Variants in PNO1 observed in about 807,000 individuals in gnomAD.
PNO1 encodes RNA-binding protein PNO1.
In PNO1, 16 loss-of-function variants were observed where a neutral mutation model predicts 28.4. The ratio of observed to expected loss-of-function variants is 0.56; its 90% CI spans 0.38 to 0.85. The LOEUF is 0.85. Among genes scored for constraint, PNO1 ranks in the 40% least tolerant of loss-of-function variants. The probability of loss-of-function intolerance (pLI) is 0.00; values close to 1 mark genes in which losing one functional copy is unlikely to be tolerated. For synonymous variants in PNO1, 115 were observed against 110.8 expected (o/e 1.04, Z -0.24); for missense variants, 304 against 312.2 (o/e 0.97, Z 0.20).
Position 68,174,745 on chromosome 2 carries a change from T to C in PNO1, c.702T>C (p.Pro234=). The change falls in exon 7 of 7, where the codon CCT becomes CCC. Residue 234 remains proline (P), a synonymous_variant. Coordinates refer to ENST00000263657, the MANE Select transcript of PNO1 (RefSeq NM_020143.4). ...AICNLILGNP[P]SKVYGNIRAV... ...TTTTCCCCTTTGCAGGAAATCCTCC[T>C]TCCAAGGTTTATGGCAATATTCGAG... 6.2e-7 allele frequency: 1 copy of C among 1,607,514 alleles called. No individual in the cohort carries two copies. The highest frequency in any genetic ancestry group is 8.5e-7 in the Non-Finnish European group (1 of 1,174,526).
rs370552225 is a variant in PNO1, at chr2:68,171,118, C to T, written c.621-2229C>T. 4.1e-4 allele frequency among the ~76,000 whole-genome samples: 62 copies of T among 152,344 alleles called. 1 individual carries two copies. The South Asian group carries it at 0.013, about 32-fold the overall frequency. On this transcript the variant is annotated intron_variant, in intron 5 of 6. Transcript: ENST00000263657. ...ACTTATAGCTGAGCCAGGTGAAATA[C>T]TGTGACTGCCTTATCTTTCTTTTGC...
chr2:68,168,921 C>CTTTTTTTTTTTT (rs57701897), intron 5 of PNO1, among the ~76,000 whole-genome samples: 5 of 72,474 alleles, frequency 6.9e-5, no homozygotes, highest in South Asian at 5.9e-4. Flanking sequence ...CAGCTTTTTT[C>CTTTTTTTTTTTT]TTTTTTTTTT....
chr2:68,173,978 A>G (rs1347422128), intron 6 of PNO1, among the ~76,000 whole-genome samples: 1 of 152,240 alleles, frequency 6.6e-6, no homozygotes, highest in Non-Finnish European at 1.5e-5. Context: ...CCTTCTTGAT[A>G]AGGTGCAGAG....
At chr2:68,172,917 A>C (rs1338439270) in intron 5 of PNO1, among the ~76,000 whole-genome samples, 2 of 152,170 alleles carry the variant, frequency 1.3e-5, no homozygotes, top group East Asian at 3.8e-4. Context: ...GATACAATTC[A>C]TATACCATAA....
rs140071467 is a variant in PNO1 at position 68,162,560 on chromosome 2, G to A, written c.517G>A (p.Gly173Arg). The A allele has an allele frequency of 6.7e-5, 108 of 1,612,452 alleles. No homozygotes were observed. In the African/African-American group the frequency reaches 1.3e-3, roughly 19 times the overall value. Residue 173 changes from glycine to arginine, a missense_variant, in exon 5 of 7, where the codon GGA becomes AGA. Physicochemically the swap from Gly to Arg is moderately radical, Grantham distance 125 (BLOSUM62 -2). Coordinates refer to ENST00000263657, the MANE Select transcript of PNO1 (RefSeq NM_020143.4). ...TTCTTGTTTAGTTAAACCCCTAAAG[G>A]GAGACCATCTATCCAGGGCAATAGG... ...FEITDVKPLK[G>R]DHLSRAIGRI...
chr2:68,158,307 G>A, intron 1 of PNO1, 73 bp from the exon 2 acceptor site: 7 of 1,461,164 alleles, frequency 4.8e-6, no homozygotes, highest in Non-Finnish European at 6.5e-6. Context: ...GGCCCTTTGT[G>A]GATCAGATGT....
At chr2:68,172,943 A>C (rs1674168122) in intron 5 of PNO1, among the ~76,000 whole-genome samples, 1 of 152,140 alleles carries the variant, frequency 6.6e-6, no homozygotes, top group Non-Finnish European at 1.5e-5. Flanking sequence ...ACCCTTTTAA[A>C]AAGTGGTTTT....
Position 68,157,989 on chromosome 2 carries a change from G to T in PNO1, c.55G>T (p.Val19Phe). ...CAGGGCAGAGGAGGGCTTTACCCAG[G>T]TCACCCGCAAGGGTGGCCGACGGGC... ...SARAEEGFTQVTRKGGRRAKK... is the reference protein window; with the variant it reads ...SARAEEGFTQFTRKGGRRAKK... Residue 19 changes from valine to phenylalanine, a missense_variant, in exon 1 of 7, where the codon GTC becomes TTC. Coordinates refer to ENST00000263657, the MANE Select transcript of PNO1 (RefSeq NM_020143.4). 1 of 1,614,152 alleles carries T rather than the reference G, an allele frequency of 6.2e-7. No homozygotes were observed.
chr2:68,158,159 T>C lies in PNO1; in HGVS notation c.207+18T>C, dbSNP rs766362353. The C allele has an allele frequency of 1.0e-5, 16 of 1,569,048 alleles. No homozygotes were observed. The highest frequency in any genetic ancestry group is 1.3e-5 in the Non-Finnish European group (15 of 1,157,090). On this transcript the variant is annotated intron_variant, in intron 1 of 6. Coordinates refer to ENST00000263657, the MANE Select transcript of PNO1 (RefSeq NM_020143.4). ...GGCTCCTGGTATGTGGCTGGGACCC[T>C]AGGACAGCAACGAGGCAAGGGCCAG... is the stretch of plus-strand genomic sequence containing the variant.
intron 6 of PNO1, among the ~76,000 whole-genome samples, chr2:68,173,855 A>C (rs1674198511): frequency 6.6e-6 from 1 of 152,188 alleles, no homozygotes; most frequent in African/African-American, 2.4e-5. Context: ...TGCTGGGATT[A>C]CAGGCGTGAG....
At chr2:68,159,123 A>G (rs1673759177) in intron 2 of PNO1, among the ~76,000 whole-genome samples, 1 of 152,074 alleles carries the variant, frequency 6.6e-6, no homozygotes, top group African/African-American at 2.4e-5. Flanking sequence ...TCTCCATTAT[A>G]CTGTTATGAG....
At chr2:68,158,894 CG>C (rs1673752601) in intron 2 of PNO1, among the ~76,000 whole-genome samples, 1 of 152,120 alleles carries the variant, frequency 6.6e-6, no homozygotes, top group Non-Finnish European at 1.5e-5. Context: ...CAGTCAGCGT[CG>C]GGAATATGTT....
Position 68,161,664 on chromosome 2 carries a change from C to A in PNO1, c.358-19C>A. 1 of 1,489,098 alleles carries A rather than the reference C, an allele frequency of 6.7e-7. No individual in the cohort carries two copies. The highest frequency in any genetic ancestry group is 9.4e-7 in the Non-Finnish European group (1 of 1,068,354). 92.2% of individuals were successfully genotyped at this position (1,489,098 alleles called of 1,614,324 possible). A position where few individuals can be genotyped will look rare whatever the true frequency, so the allele number is the denominator to read the frequency against. On this transcript the variant is annotated intron_variant, in intron 2 of 6. Coordinates refer to ENST00000263657, the MANE Select transcript of PNO1 (RefSeq NM_020143.4). ...TTGATTCTCAACGGTATTTTGTACCCTTTTTTGTTTTTTAACAGACTTGTA... is the reference window on the plus strand; with the variant it reads ...TTGATTCTCAACGGTATTTTGTACCATTTTTTGTTTTTTAACAGACTTGTA...
chr2:68,162,666 A>C lies in PNO1; in HGVS notation c.620+3A>C, dbSNP rs763788096. 6.6e-7 allele frequency: 1 copy of C among 1,524,780 alleles called. No homozygotes were observed. 94.5% of individuals were successfully genotyped at this position (1,524,780 alleles called of 1,614,324 possible). Reference sequence around the variant, plus strand: ...ACAAGGATAGTTTTGGCTGATGTGTAAGTATCTGATCTTGAGAAAATTATT... The same window carrying C: ...ACAAGGATAGTTTTGGCTGATGTGTCAGTATCTGATCTTGAGAAAATTATT... On this transcript the variant is annotated splice_donor_region_variant and intron_variant, in intron 5 of 6. Coordinates refer to ENST00000263657, the MANE Select transcript of PNO1 (RefSeq NM_020143.4).
chr2:68,158,016 A>G lies in PNO1; in HGVS notation c.82A>G (p.Lys28Glu). The G allele has an allele frequency of 6.2e-7, 1 of 1,614,172 alleles. No individual in the cohort carries two copies. The highest frequency in any genetic ancestry group is 8.5e-7 in the Non-Finnish European group (1 of 1,180,038). ...QVTRKGGRRA[K>E]KRQAEQLSAA... is the part of the protein sequence containing the mutation. ...CACCCGCAAGGGTGGCCGACGGGCG[A>G]AGAAACGACAGGCTGAACAGCTGTC... is the stretch of plus-strand genomic sequence containing the variant. Residue 28 changes from lysine to glutamate, a missense_variant, in exon 1 of 7, where the codon AAG (lysine) becomes GAG (glutamate). Coordinates refer to ENST00000263657, the MANE Select transcript of PNO1 (RefSeq NM_020143.4).
rs1674233198 is a variant in PNO1 at position 68,174,864 on chromosome 2, C to G, written c.*62C>G. 1.9e-6 allele frequency: 2 copies of G among 1,043,262 alleles called. No homozygotes were observed. The highest frequency in any genetic ancestry group is 2.9e-6 in the Non-Finnish European group (2 of 680,320). 64.6% of individuals were successfully genotyped at this position (1,043,262 alleles called of 1,614,324 possible). A position where few individuals can be genotyped will look rare whatever the true frequency, so the allele number is the denominator to read the frequency against. The stretch of plus-strand genomic sequence containing the variant: ...CTGGTGAAAAATACTTTACAGTGGT[C>G]GGTCACAAGAAACCAGCTGAACAAT... On this transcript the variant is annotated 3_prime_UTR_variant, in exon 7 of 7. Transcript: ENST00000263657.
chr2:68,161,137 A>G, intron 2 of PNO1: 1 of 462,972 alleles, frequency 2.2e-6, no homozygotes, highest in Non-Finnish European at 4.5e-6. Context: ...TTTTATGAAT[A>G]ACAGTTATTT....
intron 2 of PNO1, 73 bp downstream of exon 2, chr2:68,158,602 C>T: frequency 7.5e-7 from 1 of 1,336,490 alleles, no homozygotes. Context: ...CATGAATAGG[C>T]TTTACTTAAT....
intron 1 of PNO1, 69 bp from the exon 2 acceptor site, chr2:68,158,311 C>G (rs1673726178): frequency 6.8e-7 from 1 of 1,472,978 alleles, no homozygotes; most frequent in African/African-American, 1.4e-5. Context: ...CTTTGTGGAT[C>G]AGATGTCATT....
Sources: allele counts gnomAD v4.1 joint callset (sites outside exome capture counted in the v4.1 genomes callset), GRCh38; gene constraint gnomAD v4.1.1; transcripts MANE v1.5; gene names NCBI Gene and HGNC (gene_info 2026-07-23, HGNC 2026-07-21).